PTPRC: variants seen among roughly 807,000 people sequenced by gnomAD.
PTPRC encodes receptor-type tyrosine-protein phosphatase C.
Under a neutral mutation model 155.9 loss-of-function variants are expected in PTPRC, and 44 were observed. The ratio of observed to expected loss-of-function variants is 0.28; its 90% CI spans 0.22 to 0.36. PTPRC has a LOEUF of 0.36. PTPRC is among the 10% of genes least tolerant of loss of function. The probability of loss-of-function intolerance (pLI) is 1.00; values close to 1 mark genes in which losing one functional copy is unlikely to be tolerated. For synonymous variants in PTPRC, 525 were observed against 533.1 expected, an observed-to-expected ratio of 0.98 and a Z score of 0.21; for missense variants, 1,401 against 1,564.6, an observed-to-expected ratio of 0.90 and a Z score of 1.76.
intron 3 of PTPRC, 92 bp downstream of exon 3, chr1:198,692,465 T>C: frequency 3.4e-6 from 4 of 1,173,598 alleles, no homozygotes; most frequent in Non-Finnish European, 4.5e-6. Context: ...AACACTGAAA[T>C]TATTTTTAAG....
At chr1:198,640,770 A>C (rs886379378) in intron 2 of PTPRC, among the ~76,000 whole-genome samples, 1 of 152,012 alleles carries the variant, frequency 6.6e-6, no homozygotes, top group Non-Finnish European at 1.5e-5. Context: ...GTAAGCCAGA[A>C]TATTTTTCTT....
At chr1:198,716,916 C>CTATCT in intron 13 of PTPRC, 76 bp downstream of exon 13, 1 of 1,375,648 alleles carries the variant, frequency 7.3e-7, no homozygotes, top group Non-Finnish European at 1.0e-6. Context: ...TACAATATTT[C>CTATCT]TATCTTTATT....
rs1655704773 is a variant in PTPRC at position 198,756,916 on chromosome 1, T to C, written c.*735T>C. ...CAATTTTGCATGCTCGATTATTCCC[T>C]GTACAATATTTAAAATTTATTGCTT... On this transcript the variant is annotated 3_prime_UTR_variant, in exon 33 of 33. Coordinates refer to ENST00000442510, the MANE Select transcript of PTPRC (RefSeq NM_002838.5). 6.6e-6 allele frequency: 1 copy of C among 151,954 alleles called. No individual in the cohort carries two copies. The highest frequency in any genetic ancestry group is 2.1e-4 in the South Asian group (1 of 4,834). 9.4% of individuals were successfully genotyped at this position (151,954 alleles called of 1,614,324 possible).
At chr1:198,669,211 C>T (rs1016155280) in intron 2 of PTPRC, among the ~76,000 whole-genome samples, 2 of 152,094 alleles carry the variant, frequency 1.3e-5, no homozygotes, top group East Asian at 1.9e-4. Context: ...GAGTTCAAAC[C>T]GTGGTAGATT....
chr1:198,728,745 A>G (rs1477407022), intron 16 of PTPRC, among the ~76,000 whole-genome samples: 2 of 152,190 alleles, frequency 1.3e-5, no homozygotes, highest in East Asian at 1.9e-4. Flanking sequence ...GGGATCTAGG[A>G]GTGTCAAAAG....
At position 198,756,434 on chromosome 1, in the gene PTPRC, G is replaced by C; in HGVS notation, c.*253G>C. ...AACAACTTCTTTGTAATCGTTATGT[G>C]TGTATATGTATGTGTGTATGGGTGT... On this transcript the variant is annotated 3_prime_UTR_variant, in exon 33 of 33. Transcript: ENST00000442510. The C allele has an allele frequency of 2.0e-6, 1 of 504,356 alleles. No individual in the cohort carries two copies. The allele number at this position is 504,356 out of a possible 1,614,324, so 31.2% of individuals were successfully genotyped here.
chr1:198,739,788 T>C (rs1427334246), intron 23 of PTPRC, among the ~76,000 whole-genome samples: 1 of 151,830 alleles, frequency 6.6e-6, no homozygotes, highest in Non-Finnish European at 1.5e-5. Context: ...ATTCTTCTCC[T>C]CAGCCCATGG....
chr1:198,752,485 C>A, intron 30 of PTPRC, 109 bp from the exon 31 acceptor site: 1 of 1,522,414 alleles, frequency 6.6e-7, no homozygotes, highest in Non-Finnish European at 9.0e-7. Flanking sequence ...TTCAGAATAA[C>A]ATTTTAAAAT....
intron 2 of PTPRC, among the ~76,000 whole-genome samples, chr1:198,649,984 C>G (rs1281396149): frequency 6.6e-6 from 1 of 151,688 alleles, no homozygotes; most frequent in East Asian, 1.9e-4. Flanking sequence ...CGGGGAAGAT[C>G]CTTATGAAGA....
At chr1:198,711,855 C>T (rs1261485958) in intron 11 of PTPRC, among the ~76,000 whole-genome samples, 1 of 152,156 alleles carries the variant, frequency 6.6e-6, no homozygotes, top group Non-Finnish European at 1.5e-5. Flanking sequence ...GGTTAATAAG[C>T]ACATTAAATG....
chr1:198,730,298 G>A (rs1183560215), intron 17 of PTPRC, among the ~76,000 whole-genome samples: 1 of 152,008 alleles, frequency 6.6e-6, no homozygotes, highest in Non-Finnish European at 1.5e-5. Context: ...TGAATCTTTG[G>A]AGCTCCTTAA....
At chr1:198,656,960 C>G (rs927010254) in intron 2 of PTPRC, among the ~76,000 whole-genome samples, 1 of 149,848 alleles carries the variant, frequency 6.7e-6, no homozygotes, top group South Asian at 2.1e-4. Flanking sequence ...TTGTTTAAAA[C>G]GAAATATCTA....
chr1:198,694,608 C>T (rs1231549188), intron 3 of PTPRC: 3 of 985,898 alleles, frequency 3.0e-6, no homozygotes, highest in South Asian at 4.7e-5. Flanking sequence ...TGGAAGCAGG[C>T]AGACACCAGA....
At chr1:198,679,692 C>T (rs1171963664) in intron 2 of PTPRC, 4 of 343,174 alleles carry the variant, frequency 1.2e-5, no homozygotes, top group African/African-American at 4.2e-5. Context: ...CCAGACATAG[C>T]GGTGGAGATC....
chr1:198,694,752 C>T lies in PTPRC; in HGVS notation c.101-1960C>T, dbSNP rs893501417. ...CCTTCTTTCCTACTTTCTTTCCACT[C>T]CCTTTCTCCCACCCCCTTTTCTTTT... On this transcript the variant is annotated intron_variant, in intron 3 of 32. Coordinates refer to ENST00000442510, the MANE Select transcript of PTPRC (RefSeq NM_002838.5). The T allele has an allele frequency of 4.2e-6, 4 of 952,322 alleles. No individual in the cohort carries two copies. The African/African-American group carries it at 5.3e-5, about 13-fold the overall frequency. The allele number at this position is 952,322 out of a possible 1,614,324, so 59.0% of individuals were successfully genotyped here.
At position 198,750,526 on chromosome 1, in the gene PTPRC, A is replaced by G; in HGVS notation, c.3107A>G (p.Gln1036Arg). The change falls in exon 29 of 33, where the codon CAG (glutamine) becomes CGG (arginine). Residue 1036 changes from glutamine to arginine, a missense_variant. Gln to Arg is a conservative substitution (Grantham distance 43). Coordinates refer to ENST00000442510, the MANE Select transcript of PTPRC (RefSeq NM_002838.5). ...YWKPEVMIAA[Q>R]GPLKETIGDF... ...AAACCTGAAGTGATGATTGCTGCTC[A>G]GGGACCACTGAAGGAGACCATTGGT... 1 of 1,612,566 alleles carries G rather than the reference A, an allele frequency of 6.2e-7. No homozygotes were observed. The highest frequency in any genetic ancestry group is 2.2e-5 in the East Asian group (1 of 44,794).
At chr1:198,706,579 A>C (rs1241651592) in intron 8 of PTPRC, among the ~76,000 whole-genome samples, 155 bp from the exon 9 acceptor site, 1 of 152,218 alleles carries the variant, frequency 6.6e-6, no homozygotes, top group East Asian at 1.9e-4. Flanking sequence ...AGCACAGATA[A>C]TTACGAAAAA....
chr1:198,728,413 C>T lies in PTPRC; in HGVS notation c.1794C>T (p.Leu598=). Residue 598 remains leucine (L), a synonymous_variant, in exon 16 of 33, where the codon CTC becomes CTT. Transcript: ENST00000442510. The part of the protein sequence containing the change: ...IVTSIALLVV[L]YKIYDLHKKR... ...CATCAATAGCCCTGCTTGTTGTTCT[C>T]TACAAAATCTATGATCTACATAAGA... 1 of 1,612,718 alleles carries T rather than the reference C, an allele frequency of 6.2e-7. No homozygotes were observed. The highest frequency in any genetic ancestry group is 8.5e-7 in the Non-Finnish European group (1 of 1,179,400).
intron 2 of PTPRC, among the ~76,000 whole-genome samples, chr1:198,678,731 T>C (rs12093318): frequency 0.04 from 6,135 of 151,836 alleles, 387 homozygotes; most frequent in African/African-American, 0.13. Flanking sequence ...GGCAGAGAGG[T>C]GACAAATCCT....
Sources: gnomAD v4.1 joint callset for allele counts (sites outside exome capture counted in the v4.1 genomes callset) on GRCh38, gnomAD v4.1.1 for gene constraint, MANE v1.5 for transcripts, NCBI Gene and HGNC (gene_info 2026-07-23, HGNC 2026-07-21) for gene names.